GPHN: variants seen among roughly 807,000 people sequenced by gnomAD.
GPHN encodes gephyrin.
In GPHN, 17 loss-of-function variants were observed where a neutral mutation model predicts 95.5. The ratio of observed to expected loss-of-function variants is 0.18; its 90% CI spans 0.12 to 0.27. The LOEUF is 0.27. Among genes scored for constraint, GPHN ranks in the 10% least tolerant of loss-of-function variants. GPHN has a pLI of 1.00. For synonymous variants in GPHN, 320 were observed against 322.5 expected (o/e 0.99, Z 0.08); for missense variants, 660 against 978.1 (o/e 0.67, Z 4.34).
intron 10 of GPHN, among the ~76,000 whole-genome samples, chr14:67,044,273 G>A (rs549240437): frequency 3.9e-5 from 6 of 152,134 alleles, no homozygotes; most frequent in African/African-American, 1.2e-4. Flanking sequence ...GGAGGTGGAG[G>A]TTGCAGCAAG....
chr14:67,085,940 A>G (rs573400877), intron 11 of GPHN, among the ~76,000 whole-genome samples: 3 of 152,294 alleles, frequency 2.0e-5, no homozygotes, highest in Non-Finnish European at 4.4e-5. Flanking sequence ...TATGTACCTC[A>G]TGTAAGTGGA....
the GPHN span, among the ~76,000 whole-genome samples, chr14:67,567,064 C>A: frequency 1.3e-5 from 2 of 152,144 alleles, no homozygotes; most frequent in Non-Finnish European, 2.9e-5. Context: ...TGTTTGCAAT[C>A]CCCTTTGTAA....
chr14:66,961,947 T>TATAC lies in GPHN; in HGVS notation c.829-3243_829-3242insTACA, dbSNP rs1555452281. Among the ~76,000 whole-genome samples the TATAC allele has an allele frequency of 2.6e-3, 197 of 75,070 alleles. 1 individual carries two copies. The highest frequency in any genetic ancestry group is 4.9e-3 in the South Asian group (10 of 2,046). The allele number at this position is 75,070 out of a possible 152,430, so 49.2% of individuals were successfully genotyped here. ...ATATATATATATATATATATATATA[T>TATAC]ACACATATCTCCCAGAAATTTACTC... On this transcript the variant is annotated intron_variant, in intron 8 of 22. Coordinates refer to ENST00000478722, the MANE Select transcript of GPHN (RefSeq NM_020806.5).
At chr14:67,009,663 T>C (rs2072848093) in intron 9 of GPHN, among the ~76,000 whole-genome samples, 1 of 152,164 alleles carries the variant, frequency 6.6e-6, no homozygotes, top group African/African-American at 2.4e-5. Flanking sequence ...AAAACTGATT[T>C]GAACAGATAG....
At chr14:67,055,398 T>G (rs1390160832) in intron 10 of GPHN, among the ~76,000 whole-genome samples, 1 of 152,074 alleles carries the variant, frequency 6.6e-6, no homozygotes, top group Non-Finnish European at 1.5e-5. Context: ...TGGCAATTAT[T>G]AAAAAGTCAA....
intron 9 of GPHN, among the ~76,000 whole-genome samples, chr14:66,997,293 G>A (rs939242521): frequency 6.6e-6 from 1 of 151,548 alleles, no homozygotes; most frequent in African/African-American, 2.4e-5. Context: ...CTTGAACCCG[G>A]GAGGCAGAGG....
the GPHN span, among the ~76,000 whole-genome samples, chr14:67,419,491 C>G: frequency 1.4e-4 from 21 of 152,214 alleles, no homozygotes; most frequent in Non-Finnish European, 5.9e-5. Flanking sequence ...GAGGTGCAGT[C>G]TGCGTTCAAC....
At chr14:67,173,107 C>A (rs1178392947) in intron 21 of GPHN, among the ~76,000 whole-genome samples, 1 of 152,202 alleles carries the variant, frequency 6.6e-6, no homozygotes, top group Non-Finnish European at 1.5e-5. Flanking sequence ...CAGACCCTGG[C>A]TCTGTGGACA....
intron 2 of GPHN, among the ~76,000 whole-genome samples, chr14:66,694,124 G>A (rs1002424888): frequency 3.9e-5 from 6 of 152,138 alleles, no homozygotes; most frequent in African/African-American, 1.2e-4. Flanking sequence ...ATGTGAGGGC[G>A]TTTGAAGGAT....
chr14:66,651,463 G>A (rs769058918), intron 1 of GPHN, among the ~76,000 whole-genome samples: 3 of 152,048 alleles, frequency 2.0e-5, no homozygotes, highest in East Asian at 1.9e-4. Context: ...CACCTATCTC[G>A]GCTTTCAAAA....
At chr14:67,734,823 C>T in the GPHN span, among the ~76,000 whole-genome samples, 1 of 152,204 alleles carries the variant, frequency 6.6e-6, no homozygotes, top group African/African-American at 2.4e-5. Context: ...TGCGTTATCC[C>T]CATCTCCTTC....
chr14:67,578,346 G>T, the GPHN span: 1 of 793,544 alleles, frequency 1.3e-6, no homozygotes. The surrounding 1 kb of genome is among the most constrained non-coding windows in gnomAD (Gnocchi z 5.0). Flanking sequence ...GTACGGCTGA[G>T]CTGTCTATGC....
At chr14:67,060,475 G>C (rs2153650530) in intron 11 of GPHN, among the ~76,000 whole-genome samples, 1 of 152,258 alleles carries the variant, frequency 6.6e-6, no homozygotes, top group South Asian at 2.1e-4. Flanking sequence ...ATTGTAATTA[G>C]ACCCCCTAGG....
At chr14:67,184,211 T>TTATTAAAGTTATTAAAGTTAATTTGG (rs2083356864), downstream of GPHN, among the ~76,000 whole-genome samples, 2 of 152,124 alleles carry the variant, frequency 1.3e-5, no homozygotes, top group Admixed American at 6.5e-5. Context: ...GGCCCAAAAG[T>TTATTAAAGTTATTAAAGTTAATTTGG]TATTAAAGTT....
chr14:67,184,213 A>G (rs2083356883), downstream of GPHN, among the ~76,000 whole-genome samples: 1 of 152,196 alleles, frequency 6.6e-6, no homozygotes, highest in Non-Finnish European at 1.5e-5. Context: ...CCCAAAAGTT[A>G]TTAAAGTTAT....
chr14:66,508,617 C>T (rs769716094), intron 1 of GPHN, 26 bp downstream of exon 1: 1 of 1,586,034 alleles, frequency 6.3e-7, no homozygotes, highest in Non-Finnish European at 8.7e-7. Context: ...GGTCTGGGAC[C>T]TATGAGGCTG....
the GPHN span, among the ~76,000 whole-genome samples, chr14:67,422,394 C>G: frequency 6.6e-6 from 1 of 152,226 alleles, no homozygotes. Context: ...TCTTACACAG[C>G]TAGCATATGG....
chr14:67,183,246 T>C (rs2083348141), downstream of GPHN, among the ~76,000 whole-genome samples: 1 of 152,236 alleles, frequency 6.6e-6, no homozygotes, highest in African/African-American at 2.4e-5. Context: ...TAGAGATTTT[T>C]GTTTATTTTG....
chr14:66,824,534 A>G lies in GPHN; in HGVS notation c.262A>G (p.Thr88Ala). Residue 88 changes from threonine (T) to alanine (A), a missense_variant, in exon 4 of 23, where the codon ACA becomes GCA. Coordinates refer to ENST00000478722, the MANE Select transcript of GPHN (RefSeq NM_020806.5). Reference sequence around the variant, plus strand: ...TAATTTGATATTAACAACTGGAGGAACAGGATTTGCACCACGAGATGTCAC... The same window carrying G: ...TAATTTGATATTAACAACTGGAGGAGCAGGATTTGCACCACGAGATGTCAC... ...ELNLILTTGG[T>A]GFAPRDVTPE... The G allele has an allele frequency of 6.3e-7, 1 of 1,585,680 alleles. No individual in the cohort carries two copies. The highest frequency in any genetic ancestry group is 8.7e-7 in the Non-Finnish European group (1 of 1,154,232).
Sources: allele counts gnomAD v4.1 joint callset (sites outside exome capture counted in the v4.1 genomes callset), GRCh38; gene constraint gnomAD v4.1.1; non-coding constraint Gnocchi (gnomAD v3.1); transcripts MANE v1.5; gene names NCBI Gene and HGNC (gene_info 2026-07-23, HGNC 2026-07-21).